The following E2F7 variants were observed in gnomAD, a reference collection of about 807,000 sequenced individuals.
The protein encoded by E2F7 is transcription factor E2F7.
Under a neutral mutation model 81.1 loss-of-function variants are expected in E2F7, and 35 were observed. The observed-to-expected ratio is 0.43, with a 90% CI of 0.33 to 0.57. The LOEUF (loss-of-function observed/expected upper bound fraction) is 0.57. E2F7 is among the 20% of genes least tolerant of loss of function. E2F7 has a pLI of 0.04. For missense variants in E2F7, 961 were observed against 1,093.7 expected (o/e 0.88, Z 1.71); for synonymous variants, 416 against 416.2 (o/e 1.00, Z 0.01).
intron 2 of E2F7, among the ~76,000 whole-genome samples, chr12:77,057,507 G>T (rs1310407333): frequency 6.6e-6 from 1 of 152,134 alleles, no homozygotes; most frequent in Non-Finnish European, 1.5e-5. Flanking sequence ...ACCACATCTA[G>T]ACTACTGAGG....
At position 77,033,971 on chromosome 12, in the gene E2F7, C is replaced by A. The variant is rs148596563; in HGVS notation, c.1195G>T (p.Val399Phe). ...CGAGCCAGCTTCTGTTTTGCACAGA[C>A]TTGAATCTGGCCATATGTTTCTCTT... Reference protein sequence around the residue: ...LKRETYGQIQVCAKQKLARHG... With the variant: ...LKRETYGQIQFCAKQKLARHG... Residue 399 changes from valine to phenylalanine, a missense_variant, in exon 8 of 13, where the codon GTC becomes TTC. This residue lies in a region of E2F7 where 587 missense variants were observed against 620.3 expected (regional missense o/e 0.95). Coordinates refer to ENST00000322886, the MANE Select transcript of E2F7 (RefSeq NM_203394.3). 10 of 1,614,090 alleles carry A rather than the reference C, an allele frequency of 6.2e-6. No individual in the cohort carries two copies. Among genetic ancestry groups the A allele is most frequent in the African/African-American group, 2.7e-5 (2 of 74,944 alleles).
At chr12:77,062,608 C>CACACATTAGAATGTGAAAGCTCAACTGG (rs1955087202) in intron 2 of E2F7, among the ~76,000 whole-genome samples, 1 of 152,138 alleles carries the variant, frequency 6.6e-6, no homozygotes, top group Non-Finnish European at 1.5e-5. Context: ...TTTTTCCCCA[C>CACACATTAGAATGTGAAAGCTCAACTGG]ACACATTAGA....
At chr12:77,051,816 TG>T (rs1954991630) in intron 3 of E2F7, among the ~76,000 whole-genome samples, 1 of 152,130 alleles carries the variant, frequency 6.6e-6, no homozygotes, top group African/African-American at 2.4e-5. Flanking sequence ...CTCTAGTCAA[TG>T]CATGAGGACA....
At chr12:77,048,068 T>C (rs1287897427) in intron 4 of E2F7, among the ~76,000 whole-genome samples, 1 of 152,208 alleles carries the variant, frequency 6.6e-6, no homozygotes, top group Non-Finnish European at 1.5e-5. Flanking sequence ...TCTGACCACC[T>C]GGAGATTCTC....
chr12:77,028,715 C>G (rs987312272), intron 10 of E2F7, among the ~76,000 whole-genome samples: 7 of 152,132 alleles, frequency 4.6e-5, no homozygotes, highest in Non-Finnish European at 1.0e-4. Context: ...ACCCGGTGAT[C>G]CGCCCGCCTC....
chr12:77,039,970 C>T (rs568866651), intron 7 of E2F7, among the ~76,000 whole-genome samples: 4 of 152,068 alleles, frequency 2.6e-5, no homozygotes, highest in Admixed American at 1.3e-4. Flanking sequence ...TGAAAGGAGC[C>T]GGACCAAAAG....
chr12:77,043,833 G>C (rs147291548), intron 6 of E2F7, among the ~76,000 whole-genome samples: 300 of 152,298 alleles, frequency 2.0e-3, no homozygotes, highest in Non-Finnish European at 3.6e-3. Flanking sequence ...ATACTCAGAA[G>C]GGGTGGTAGC....
chr12:77,039,502 A>G (rs955198347), intron 7 of E2F7, among the ~76,000 whole-genome samples: 2 of 152,236 alleles, frequency 1.3e-5, no homozygotes, highest in Admixed American at 1.3e-4. Context: ...CAACAAATGG[A>G]CAAAAAAACT....
At position 77,021,310 on chromosome 12, in the gene E2F7, G is replaced by GC. The variant is rs1160134614; in HGVS notation, c.*2704_*2705insG. On this transcript the variant is annotated 3_prime_UTR_variant, in exon 13 of 13. Coordinates refer to ENST00000322886, the MANE Select transcript of E2F7 (RefSeq NM_203394.3). ...GCTTAATATTTTCCTAAAAATATTAGAAAAAAAATCAGAACAAAAAATCAG... is the reference window on the plus strand; with the variant it reads ...GCTTAATATTTTCCTAAAAATATTAGCAAAAAAAATCAGAACAAAAAATCAG... The GC allele has an allele frequency of 3.3e-5, 5 of 150,508 alleles. No homozygotes were observed. The highest frequency in any genetic ancestry group is 6.6e-5 in the Admixed American group (1 of 15,058). The allele number at this position is 150,508 out of a possible 1,614,324, so 9.3% of individuals were successfully genotyped here.
chr12:77,050,835 G>T, intron 3 of E2F7, 91 bp from the exon 4 acceptor site: 1 of 1,318,908 alleles, frequency 7.6e-7, no homozygotes, highest in Non-Finnish European at 1.1e-6. Flanking sequence ...AAACTGGGGG[G>T]ACATCTCAAT....
chr12:77,059,582 C>T (rs1274705735), intron 2 of E2F7, among the ~76,000 whole-genome samples: 1 of 152,134 alleles, frequency 6.6e-6, no homozygotes, highest in African/African-American at 2.4e-5. Context: ...AGAAGTAATG[C>T]CAACAGTCAT....
chr12:77,037,348 T>G (rs779312157), intron 7 of E2F7, among the ~76,000 whole-genome samples: 1 of 152,148 alleles, frequency 6.6e-6, no homozygotes, highest in Non-Finnish European at 1.5e-5. Context: ...CCTAACACTT[T>G]GGAAGGCTGA....
intron 3 of E2F7, among the ~76,000 whole-genome samples, chr12:77,051,577 G>A (rs1340324929): frequency 1.3e-5 from 2 of 152,042 alleles, no homozygotes; most frequent in African/African-American, 4.8e-5. Context: ...CATGGGACAT[G>A]TATACATATG....
chr12:77,046,532 A>T (rs1397327183), intron 4 of E2F7, among the ~76,000 whole-genome samples: 3 of 152,214 alleles, frequency 2.0e-5, no homozygotes, highest in African/African-American at 7.2e-5. Flanking sequence ...TCCAACCCTT[A>T]AAAAAATCTA....
At chr12:77,047,974 G>C (rs1462986235) in intron 4 of E2F7, among the ~76,000 whole-genome samples, 1 of 152,162 alleles carries the variant, frequency 6.6e-6, no homozygotes, top group Admixed American at 6.5e-5. Flanking sequence ...ATGCCCGGCT[G>C]TTTTGTTAGT....
At chr12:77,057,796 C>T (rs1426702552) in intron 2 of E2F7, among the ~76,000 whole-genome samples, 1 of 152,202 alleles carries the variant, frequency 6.6e-6, no homozygotes, top group African/African-American at 2.4e-5. Flanking sequence ...AGATTCTGCT[C>T]TTTCTGTAGT....
rs767490823 is a variant in E2F7 at position 77,024,058 on chromosome 12, G to A, written c.2693C>T (p.Ser898Leu). 19 of 1,613,928 alleles carry A rather than the reference G, an allele frequency of 1.2e-5. No individual in the cohort carries two copies. Among genetic ancestry groups the A allele is most frequent in the African/African-American group, 1.3e-5 (1 of 74,900 alleles). Residue 898 changes from serine (S) to leucine (L), a missense_variant, in exon 13 of 13, where the codon TCG (serine) becomes TTG (leucine). Physicochemically the swap from Ser to Leu is moderately radical, Grantham distance 145. Around this residue, in one of 3 missense-constraint regions of E2F7, gnomAD observed 587 missense variants for 620.3 expected, o/e 0.95. Transcript: ENST00000322886. ...RERNQSRNTS[S>L]AQRRLEIPSG... is the part of the protein sequence containing the mutation. Reference sequence around the variant, plus strand: ...GGGGATTTCTAGTCTCCTCTGGGCCGAGCTGGTGTTTCGTGACTGGTTCCT... The same window carrying A: ...GGGGATTTCTAGTCTCCTCTGGGCCAAGCTGGTGTTTCGTGACTGGTTCCT...
At chr12:77,030,468 AC>A in intron 9 of E2F7, 136 bp from the exon 10 acceptor site, 2 of 1,109,372 alleles carry the variant, frequency 1.8e-6, no homozygotes, top group Non-Finnish European at 2.5e-6. Flanking sequence ...CTTGCTGAGC[AC>A]GTGTTAGCTC....
intron 7 of E2F7, among the ~76,000 whole-genome samples, chr12:77,042,232 C>T (rs1165429932): frequency 1.3e-5 from 2 of 152,228 alleles, no homozygotes; most frequent in Admixed American, 6.5e-5. Flanking sequence ...ACAGTCCACA[C>T]TCAGTGCATA....
Sources: allele counts gnomAD v4.1 joint callset (sites outside exome capture counted in the v4.1 genomes callset), GRCh38; gene constraint gnomAD v4.1.1; regional missense constraint gnomAD v4.1.1; transcripts MANE v1.5; gene names NCBI Gene and HGNC (gene_info 2026-07-23, HGNC 2026-07-21).